RNF152: variants seen among roughly 807,000 people sequenced by gnomAD.
RNF152 encodes the protein ring finger protein 152.
A neutral mutation model predicts 12.7 loss-of-function variants in RNF152; 11 were observed. That is an observed-to-expected ratio of 0.86 (90% CI 0.54 to 1.43). The LOEUF is 1.43. Ranked by LOEUF, RNF152 falls within the 40% of genes most tolerant of loss-of-function variation. The probability of loss-of-function intolerance (pLI) is 0.00; values close to 1 mark genes in which losing one functional copy is unlikely to be tolerated. For synonymous variants in RNF152, 113 were observed against 120.3 expected (o/e 0.94, Z 0.40); for missense variants, 255 against 274.8 (o/e 0.93, Z 0.51).
At chr18:61,866,307 C>T (rs984432512) in intron 1 of RNF152, among the ~76,000 whole-genome samples, 23 of 152,274 alleles carry the variant, frequency 1.5e-4, no homozygotes, top group South Asian at 8.3e-4. Flanking sequence ...GCCTTATACA[C>T]GGGGACTCGT....
At chr18:61,886,404 G>C (rs1053297044) in intron 1 of RNF152, among the ~76,000 whole-genome samples, 1 of 152,214 alleles carries the variant, frequency 6.6e-6, no homozygotes, top group Non-Finnish European at 1.5e-5. Flanking sequence ...GAGCTTGCAA[G>C]AGAACTGAGA....
upstream of RNF152, chr18:61,893,508 C>T (rs958874949): frequency 6.5e-6 from 1 of 152,674 alleles, no homozygotes; most frequent in Non-Finnish European, 1.5e-5. Flanking sequence ...ACCGCCGCTT[C>T]CCGAGCAGCG....
At chr18:61,848,734 AC>A (rs1391353363) in intron 1 of RNF152, among the ~76,000 whole-genome samples, 2 of 152,218 alleles carry the variant, frequency 1.3e-5, no homozygotes, top group Non-Finnish European at 2.9e-5. Context: ...GTTTGGAGCC[AC>A]GGAAGAGGCC....
chr18:61,850,461 C>A (rs1910919679), intron 1 of RNF152, among the ~76,000 whole-genome samples: 1 of 152,174 alleles, frequency 6.6e-6, no homozygotes, highest in African/African-American at 2.4e-5. Flanking sequence ...TAAAATAATT[C>A]TTTTCTACTC....
At chr18:61,839,690 T>A (rs966041381) in intron 1 of RNF152, among the ~76,000 whole-genome samples, 2 of 151,906 alleles carry the variant, frequency 1.3e-5, no homozygotes, top group African/African-American at 4.8e-5. Flanking sequence ...GGTCGGGAGA[T>A]CGAGATCATC....
At chr18:61,889,282 T>G (rs1427328401) in intron 1 of RNF152, among the ~76,000 whole-genome samples, 7 of 152,208 alleles carry the variant, frequency 4.6e-5, no homozygotes, top group African/African-American at 1.7e-4. Flanking sequence ...GAGCTATCTT[T>G]ATAAAAATGA....
chr18:61,884,559 TTTTG>T (rs915614437), intron 1 of RNF152, among the ~76,000 whole-genome samples: 11 of 152,144 alleles, frequency 7.2e-5, no homozygotes, highest in East Asian at 3.9e-4. Flanking sequence ...TTCAACATTC[TTTTG>T]TTTGTTTGTT....
intron 1 of RNF152, among the ~76,000 whole-genome samples, chr18:61,819,649 T>C (rs1909280076): frequency 6.6e-6 from 1 of 152,034 alleles, no homozygotes; most frequent in Admixed American, 6.5e-5. Context: ...TGAAGAGAAA[T>C]ACAATGAGTT....
intron 1 of RNF152, among the ~76,000 whole-genome samples, chr18:61,880,913 CTTT>C (rs71179000): frequency 3.8e-5 from 5 of 131,794 alleles, no homozygotes; most frequent in African/African-American, 8.6e-5. Context: ...CTCTAGTTTT[CTTT>C]TTTTTTTTTT....
intron 1 of RNF152, among the ~76,000 whole-genome samples, chr18:61,834,919 G>A (rs986678368): frequency 2.2e-4 from 34 of 152,144 alleles, no homozygotes; most frequent in Admixed American, 2.6e-4. Flanking sequence ...ATAAATCAGC[G>A]TCTGGGGGTA....
chr18:61,863,685 C>T (rs150251340), intron 1 of RNF152, among the ~76,000 whole-genome samples: 1 of 152,302 alleles, frequency 6.6e-6, no homozygotes, highest in African/African-American at 2.4e-5. Context: ...AACTAGCATG[C>T]TGTACAAAGT....
At chr18:61,846,732 A>C (rs2144685394) in intron 1 of RNF152, among the ~76,000 whole-genome samples, 1 of 152,338 alleles carries the variant, frequency 6.6e-6, no homozygotes, top group South Asian at 2.1e-4. Flanking sequence ...TTTAGGAAAG[A>C]AGCACCAGAC....
chr18:61,816,320 A>T lies in RNF152; in HGVS notation c.144T>A (p.Asp48Glu). 4 of 1,614,218 alleles carry T rather than the reference A, an allele frequency of 2.5e-6. No individual in the cohort carries two copies. The highest frequency in any genetic ancestry group is 3.4e-6 in the Non-Finnish European group (4 of 1,180,042). ...CACCGCGGCACCAGGGGCACCGCAC[A>T]TCCTTCTGGCTGGTCCTCATCTGCT... ...CLQQMRTSQK[D>E]VRCPWCRGVT... is the part of the protein sequence containing the mutation. The change falls in exon 2 of 2, where the codon GAT becomes GAA. Residue 48 changes from aspartate (D) to glutamate (E), a missense_variant. Asp to Glu is a conservative substitution (Grantham distance 45). Coordinates refer to ENST00000312828, the MANE Select transcript of RNF152 (RefSeq NM_173557.3).
At position 61,862,828 on chromosome 18, in the gene RNF152, C is replaced by T. The variant is rs555786211; in HGVS notation, c.-136+29967G>A. On this transcript the variant is annotated intron_variant, in intron 1 of 1. Coordinates refer to ENST00000312828, the MANE Select transcript of RNF152 (RefSeq NM_173557.3). ...CTTGAAGCTGGTGGGTCAGAAGTTC[C>T]GAGGAGGCCCAGACTTATCATTGGT... is the stretch of plus-strand genomic sequence containing the variant. Among the ~76,000 whole-genome samples the T allele has an allele frequency of 5.9e-5, 9 of 152,252 alleles. No homozygotes were observed. The East Asian group carries it at 9.7e-4, about 16-fold the overall frequency.
At position 61,816,119 on chromosome 18, in the gene RNF152, T is replaced by C. The variant is rs576925776; in HGVS notation, c.345A>G (p.Gly115=). 5.0e-6 allele frequency: 8 copies of C among 1,614,090 alleles called. No individual in the cohort carries two copies. In the African/African-American group the frequency reaches 1.1e-4, roughly 22 times the overall value. Residue 115 remains glycine (G), a synonymous_variant, in exon 2 of 2, where the codon GGA becomes GGG. Transcript: ENST00000312828. ...PISKERALLP[G]DMGCRLLPGS... ...CGGGCAGCAGGCGGCAGCCCATGTC[T>C]CCGGGCAGCAGCGCACGCTCCTTGG... is the stretch of plus-strand genomic sequence containing the variant.
chr18:61,893,509 C>T (rs771981090), upstream of RNF152: 2 of 152,622 alleles, frequency 1.3e-5, no homozygotes, highest in Admixed American at 6.5e-5. Flanking sequence ...CCGCCGCTTC[C>T]CGAGCAGCGC....
intron 1 of RNF152, among the ~76,000 whole-genome samples, chr18:61,819,680 T>C (rs909844124): frequency 2.6e-5 from 4 of 151,838 alleles, no homozygotes; most frequent in African/African-American, 7.2e-5. Context: ...CATATTCCAC[T>C]GGAGGTGCTG....
intron 1 of RNF152, among the ~76,000 whole-genome samples, chr18:61,828,995 A>G (rs1469434385): frequency 6.6e-6 from 1 of 152,136 alleles, no homozygotes. Flanking sequence ...GTACCATTTC[A>G]ATGTCAAGGG....
chr18:61,876,604 G>A (rs1202678049), intron 1 of RNF152, among the ~76,000 whole-genome samples: 1 of 152,236 alleles, frequency 6.6e-6, no homozygotes, highest in Non-Finnish European at 1.5e-5. Context: ...GTGGCTTACA[G>A]CATCAATGCT....
Sources: gnomAD v4.1 joint callset for allele counts (sites outside exome capture counted in the v4.1 genomes callset) on GRCh38, gnomAD v4.1.1 for gene constraint, MANE v1.5 for transcripts, NCBI Gene and HGNC (gene_info 2026-07-23, HGNC 2026-07-21) for gene names.